Variants in SDK1 observed in about 807,000 individuals in gnomAD.
The protein encoded by SDK1 is sidekick cell adhesion molecule 1.
SDK1 carries 157 observed loss-of-function variants against 245.5 expected under a neutral mutation model. That is an observed-to-expected ratio of 0.64 (90% CI 0.56 to 0.73). The LOEUF is 0.73. Ranked by LOEUF, SDK1 falls within the 30% of genes least tolerant of loss-of-function variation. SDK1 has a pLI of 0.00. For synonymous variants in SDK1, 1,647 were observed against 1,278.5 expected (o/e 1.29, Z -6.15); for missense variants, 3,583 against 3,002.3 (o/e 1.19, Z -4.52).
At chr7:4,089,906 C>T (rs1781679684) in intron 22 of SDK1, among the ~76,000 whole-genome samples, 1 of 152,228 alleles carries the variant, frequency 6.6e-6, no homozygotes, top group Non-Finnish European at 1.5e-5. Context: ...ATGGGCTGCA[C>T]CCAGTGGTCT....
intron 1 of SDK1, among the ~76,000 whole-genome samples, chr7:3,529,223 C>T (rs887499567): frequency 7.9e-5 from 12 of 152,150 alleles, no homozygotes; most frequent in East Asian, 7.7e-4. Flanking sequence ...CACTCATATA[C>T]ACACCCAGAA....
chr7:3,533,957 A>G (rs556553290), intron 1 of SDK1, among the ~76,000 whole-genome samples: 1 of 152,330 alleles, frequency 6.6e-6, no homozygotes, highest in African/African-American at 2.4e-5. Context: ...TTTAAGGTGT[A>G]CAATACAGTA....
chr7:3,655,477 A>ATATATATATATATATATATATG (rs1783144833), intron 4 of SDK1, among the ~76,000 whole-genome samples: 2 of 88,194 alleles, frequency 2.3e-5, no homozygotes, highest in African/African-American at 9.9e-5. Flanking sequence ...ATATATATAT[A>ATATATATATATATATATATATG]TATATATATA....
chr7:3,804,876 T>TG (rs1434493462), intron 4 of SDK1, among the ~76,000 whole-genome samples: 1 of 152,166 alleles, frequency 6.6e-6, no homozygotes, highest in Non-Finnish European at 1.5e-5. Flanking sequence ...GAAATACAAT[T>TG]GGGGGTGGAA....
rs147944787 is a variant in SDK1, at chr7:3,964,159, C to T, written c.1429+1308C>T. Among the ~76,000 whole-genome samples the T allele has an allele frequency of 3.9e-5, 6 of 152,328 alleles. No individual in the cohort carries two copies. The East Asian group carries it at 1.2e-3, about 29-fold the overall frequency. Reference sequence around the variant, plus strand: ...AGAAAATGGTAGTATCTGTTCAGCCCCCTGAGGTAAACAGAAGGGGTAATG... The same window carrying T: ...AGAAAATGGTAGTATCTGTTCAGCCTCCTGAGGTAAACAGAAGGGGTAATG... On this transcript the variant is annotated intron_variant, in intron 9 of 44. Coordinates refer to ENST00000404826, the MANE Select transcript of SDK1 (RefSeq NM_152744.4).
intron 1 of SDK1, among the ~76,000 whole-genome samples, chr7:3,519,846 T>G (rs1489684147): frequency 6.6e-6 from 1 of 152,192 alleles, no homozygotes; most frequent in Non-Finnish European, 1.5e-5. Flanking sequence ...AGTATAATTC[T>G]ATTTTAGTAA....
At chr7:3,652,495 T>C (rs768002686) in intron 4 of SDK1, among the ~76,000 whole-genome samples, 2 of 152,238 alleles carry the variant, frequency 1.3e-5, no homozygotes, top group Non-Finnish European at 2.9e-5. Context: ...TGCGCACGGA[T>C]GCATGTGGTT....
At chr7:3,563,346 G>T (rs777020390) in intron 1 of SDK1, among the ~76,000 whole-genome samples, 2 of 150,754 alleles carry the variant, frequency 1.3e-5, no homozygotes, top group Non-Finnish European at 3.0e-5. Flanking sequence ...GGAAAAACAA[G>T]ATACAAAAAA....
At chr7:3,755,441 G>A (rs769622060) in intron 4 of SDK1, among the ~76,000 whole-genome samples, 4 of 152,234 alleles carry the variant, frequency 2.6e-5, no homozygotes, top group African/African-American at 9.6e-5. Context: ...TGCATAGTCC[G>A]CCTCACTGGA....
At chr7:3,358,944 GT>G (rs147234168) in intron 1 of SDK1, among the ~76,000 whole-genome samples, 1 of 152,164 alleles carries the variant, frequency 6.6e-6, no homozygotes, top group Admixed American at 6.6e-5. Context: ...CATTGGTGCA[GT>G]TTTTTTCCCA....
At chr7:3,585,099 C>T (rs749024432) in intron 1 of SDK1, among the ~76,000 whole-genome samples, 1 of 152,162 alleles carries the variant, frequency 6.6e-6, no homozygotes, top group Admixed American at 6.5e-5. Flanking sequence ...ATCCTGCTGC[C>T]CTAGTTTTGT....
intron 4 of SDK1, among the ~76,000 whole-genome samples, chr7:3,700,151 G>A (rs981092317): frequency 6.6e-6 from 1 of 152,058 alleles, no homozygotes; most frequent in African/African-American, 2.4e-5. Flanking sequence ...TCAAATGAAG[G>A]GAAAACTAAA....
chr7:3,917,788 T>C (rs1779436960), intron 5 of SDK1, among the ~76,000 whole-genome samples: 1 of 151,530 alleles, frequency 6.6e-6, no homozygotes, highest in Admixed American at 6.6e-5. Flanking sequence ...GCTACATACA[T>C]GCACATTATC....
At chr7:3,571,276 C>T (rs1415421145) in intron 1 of SDK1, among the ~76,000 whole-genome samples, 1 of 151,822 alleles carries the variant, frequency 6.6e-6, no homozygotes, top group East Asian at 1.9e-4. Flanking sequence ...TGTAGATTAT[C>T]TTTGTTATTA....
chr7:3,461,952 G>C (rs1018767707), intron 1 of SDK1, among the ~76,000 whole-genome samples: 1 of 152,182 alleles, frequency 6.6e-6, no homozygotes. Flanking sequence ...CGGCATTTAA[G>C]CATGTTCAAG....
At chr7:3,538,195 T>A (rs1354918852) in intron 1 of SDK1, among the ~76,000 whole-genome samples, 1 of 152,138 alleles carries the variant, frequency 6.6e-6, no homozygotes, top group Admixed American at 6.5e-5. Flanking sequence ...GTGTTGGCAA[T>A]TACATTGGCC....
chr7:3,707,782 C>T (rs186855341), intron 4 of SDK1, among the ~76,000 whole-genome samples: 6 of 152,232 alleles, frequency 3.9e-5, no homozygotes, highest in Admixed American at 3.9e-4. Context: ...TTGGATTCAT[C>T]CTCTTATCAT....
intron 1 of SDK1, among the ~76,000 whole-genome samples, chr7:3,575,122 C>G (rs1469089236): frequency 6.6e-6 from 1 of 152,052 alleles, no homozygotes; most frequent in African/African-American, 2.4e-5. Context: ...ACCAAATACC[C>G]TAGACTGGGT....
chr7:4,055,409 A>G (rs1444279891), intron 19 of SDK1, among the ~76,000 whole-genome samples: 2 of 152,210 alleles, frequency 1.3e-5, no homozygotes, highest in Admixed American at 6.5e-5. Flanking sequence ...TATTGGTTGC[A>G]GGATCTGTAG....
Sources: gnomAD v4.1 joint callset for allele counts (sites outside exome capture counted in the v4.1 genomes callset) on GRCh38, gnomAD v4.1.1 for gene constraint, MANE v1.5 for transcripts, NCBI Gene and HGNC (gene_info 2026-07-23, HGNC 2026-07-21) for gene names.